Variants in HPSE2 observed in about 807,000 individuals in gnomAD.
HPSE2 encodes the protein heparanase 2 (inactive).
In HPSE2, 38 loss-of-function variants were observed where a neutral mutation model predicts 60.5. That is an observed-to-expected ratio of 0.63 (90% CI 0.48 to 0.82). The LOEUF is 0.82. Ranked by LOEUF, HPSE2 falls within the 40% of genes least tolerant of loss-of-function variation. HPSE2 has a pLI of 0.00. For synonymous variants in HPSE2, 295 were observed against 293.2 expected, an observed-to-expected ratio of 1.01 and a Z score of -0.06; for missense variants, 713 against 740.4, an observed-to-expected ratio of 0.96 and a Z score of 0.43.
intron 3 of HPSE2, among the ~76,000 whole-genome samples, chr10:98,855,562 A>G (rs1952293624): frequency 6.6e-6 from 1 of 152,116 alleles, no homozygotes; most frequent in African/African-American, 2.4e-5. Context: ...ACCCATTGCA[A>G]CCGTGAAAAG....
At position 99,198,526 on chromosome 10, in the gene HPSE2, T is replaced by G. The variant is rs560453131; in HGVS notation, c.448+33822A>C. Among the ~76,000 whole-genome samples, 4 of 152,308 alleles carry G rather than the reference T, an allele frequency of 2.6e-5. No individual in the cohort carries two copies. In the East Asian group the frequency reaches 7.7e-4, roughly 29 times the overall value. ...TATAGAGCTTACAACTGAGTTATGA[T>G]ACCATAAATAATAACAGATGGCATG... On this transcript the variant is annotated intron_variant, in intron 2 of 11. Transcript: ENST00000370552.
At chr10:98,666,525 T>C (rs1947367236) in intron 6 of HPSE2, among the ~76,000 whole-genome samples, 1 of 152,216 alleles carries the variant, frequency 6.6e-6, no homozygotes, top group African/African-American at 2.4e-5. Context: ...ATTGACTACA[T>C]GCTGAGTCAT....
At chr10:98,578,399 C>T (rs924352626) in intron 9 of HPSE2, among the ~76,000 whole-genome samples, 9 of 152,158 alleles carry the variant, frequency 5.9e-5, no homozygotes, top group African/African-American at 9.7e-5. Context: ...TTGTCTCAGT[C>T]TAAATCGAAT....
intron 2 of HPSE2, among the ~76,000 whole-genome samples, chr10:99,165,518 C>CATTTATTTACGTATTT (rs1847040739): frequency 7.2e-6 from 1 of 138,734 alleles, no homozygotes; most frequent in African/African-American, 2.7e-5. Context: ...TTGTTCTGTT[C>CATTTATTTACGTATTT]ATTTATTTAC....
chr10:99,168,422 T>C (rs968525395), intron 2 of HPSE2, among the ~76,000 whole-genome samples: 1 of 152,232 alleles, frequency 6.6e-6, no homozygotes, highest in African/African-American at 2.4e-5. Context: ...TTCAGAAACT[T>C]TGGTGAGTTC....
chr10:98,775,084 C>T (rs555868969), intron 3 of HPSE2, among the ~76,000 whole-genome samples: 42 of 152,292 alleles, frequency 2.8e-4, no homozygotes, highest in Admixed American at 9.8e-4. Flanking sequence ...GAGATACAGG[C>T]AGAAACACAG....
At chr10:98,968,544 T>C (rs755587353) in intron 3 of HPSE2, among the ~76,000 whole-genome samples, 13 of 152,140 alleles carry the variant, frequency 8.5e-5, no homozygotes, top group African/African-American at 2.4e-5. Context: ...AAAAGACACA[T>C]GCACATGCAT....
At chr10:98,867,175 C>A (rs1023829769) in intron 3 of HPSE2, among the ~76,000 whole-genome samples, 3 of 151,376 alleles carry the variant, frequency 2.0e-5, no homozygotes, top group Non-Finnish European at 2.9e-5. Flanking sequence ...CTGGGGAGAC[C>A]AAAGCACTTC....
At chr10:99,235,197 T>G (rs1374272357) in intron 1 of HPSE2, among the ~76,000 whole-genome samples, 4 of 152,152 alleles carry the variant, frequency 2.6e-5, no homozygotes, top group Non-Finnish European at 5.9e-5. Context: ...CTGAACCTCT[T>G]GTTTCTTTTT....
chr10:98,680,064 C>T (rs1947745961), intron 6 of HPSE2, among the ~76,000 whole-genome samples: 1 of 152,152 alleles, frequency 6.6e-6, no homozygotes, highest in South Asian at 2.1e-4. Flanking sequence ...AGTTATTGTG[C>T]TGCATTGACT....
intron 2 of HPSE2, 104 bp downstream of exon 2, chr10:99,232,244 C>CG: frequency 3.0e-6 from 4 of 1,350,330 alleles, no homozygotes; most frequent in South Asian, 1.3e-5. Flanking sequence ...CACACACACA[C>CG]ACACACACAC....
chr10:99,231,855 T>C (rs1849654920), intron 2 of HPSE2, among the ~76,000 whole-genome samples: 1 of 152,132 alleles, frequency 6.6e-6, no homozygotes, highest in African/African-American at 2.4e-5. Flanking sequence ...TGTACCCTAA[T>C]CACAGGAAGG....
At chr10:99,305,968 C>T in the HPSE2 span, among the ~76,000 whole-genome samples, 53 of 105,654 alleles carry the variant, frequency 5.0e-4, 1 homozygote, top group Middle Eastern at 4.5e-3. Flanking sequence ...CACACGCGCG[C>T]GCGCGCGCGC....
intron 3 of HPSE2, among the ~76,000 whole-genome samples, chr10:98,978,498 C>T (rs747903335): frequency 3.4e-4 from 52 of 152,204 alleles, no homozygotes; most frequent in Non-Finnish European, 6.2e-4. Flanking sequence ...AAAACCCTAG[C>T]AATCCAGTAC....
chr10:98,517,220 G>A (rs2133762146), intron 9 of HPSE2, among the ~76,000 whole-genome samples: 1 of 151,580 alleles, frequency 6.6e-6, no homozygotes. Flanking sequence ...AGGCGAGGGG[G>A]TGCATTGCAG....
At chr10:98,706,112 GT>G (rs1948541407) in intron 5 of HPSE2, among the ~76,000 whole-genome samples, 1 of 149,652 alleles carries the variant, frequency 6.7e-6, no homozygotes, top group Non-Finnish European at 1.5e-5. Context: ...TGGAGGAGTT[GT>G]GAGATTATGA....
At chr10:99,246,013 G>A in the HPSE2 span, among the ~76,000 whole-genome samples, 1 of 152,164 alleles carries the variant, frequency 6.6e-6, no homozygotes, top group African/African-American at 2.4e-5. Flanking sequence ...CGCAAAACCA[G>A]AATGATACCT....
At chr10:99,092,890 G>T (rs1252136983) in intron 3 of HPSE2, among the ~76,000 whole-genome samples, 1 of 152,058 alleles carries the variant, frequency 6.6e-6, no homozygotes, top group Non-Finnish European at 1.5e-5. Context: ...TATAATATTT[G>T]GTCATATAAA....
chr10:99,134,627 A>G (rs1028179225), intron 3 of HPSE2, among the ~76,000 whole-genome samples: 1 of 152,240 alleles, frequency 6.6e-6, no homozygotes, highest in South Asian at 2.1e-4. Flanking sequence ...ACTAAGTTTC[A>G]TAAGTGAAGG....
Sources: gnomAD v4.1 joint callset for allele counts (sites outside exome capture counted in the v4.1 genomes callset) on GRCh38, gnomAD v4.1.1 for gene constraint, MANE v1.5 for transcripts, NCBI Gene and HGNC (gene_info 2026-07-23, HGNC 2026-07-21) for gene names.